Variants in DLC1 observed in about 807,000 individuals in gnomAD.
DLC1 encodes the protein DLC1 Rho GTPase activating protein.
DLC1 carries 54 observed loss-of-function variants against 140.3 expected under a neutral mutation model. That is an observed-to-expected ratio of 0.38 (90% confidence interval 0.31 to 0.48). The LOEUF is 0.48. Ranked by LOEUF, DLC1 falls within the 20% of genes least tolerant of loss-of-function variation. DLC1 has a pLI of 0.96. For synonymous variants in DLC1, 986 were observed against 728.1 expected, an observed-to-expected ratio of 1.35 and a Z score of -5.70; for missense variants, 2,536 against 1,907.0, an observed-to-expected ratio of 1.33 and a Z score of -6.14.
chr8:13,319,748 C>A (rs1388606245), intron 4 of DLC1, among the ~76,000 whole-genome samples: 8 of 150,542 alleles, frequency 5.3e-5, no homozygotes, highest in African/African-American at 2.0e-4. Context: ...TTCTTTATAA[C>A]AGTGCAAGAG....
intron 4 of DLC1, among the ~76,000 whole-genome samples, chr8:13,386,673 G>A (rs1450363927): frequency 1.3e-5 from 2 of 152,052 alleles, no homozygotes; most frequent in Non-Finnish European, 2.9e-5. Flanking sequence ...CAAAATTAAT[G>A]AATTGCACAC....
chr8:13,476,579 C>T (rs1272921353), intron 2 of DLC1, among the ~76,000 whole-genome samples: 1 of 151,508 alleles, frequency 6.6e-6, no homozygotes, highest in Admixed American at 6.6e-5. Flanking sequence ...GTGGAAACAA[C>T]AGACTCAGAC....
chr8:13,342,196 A>T (rs954886417), intron 4 of DLC1: 1 of 152,222 alleles, frequency 6.6e-6, no homozygotes, highest in African/African-American at 2.4e-5. Context: ...CATGACAGGT[A>T]ATAGGAACTA....
upstream of DLC1, among the ~76,000 whole-genome samples, chr8:13,516,811 C>A (rs1032276316): frequency 9.2e-5 from 14 of 152,028 alleles, no homozygotes; most frequent in Admixed American, 8.5e-4. Flanking sequence ...AACAATTTTG[C>A]GTGTATTCAT....
Position 13,311,108 on chromosome 8 carries a change from G to T in DLC1, c.1315-5806C>A, listed in dbSNP as rs578128132. Among the ~76,000 whole-genome samples, 62 of 152,212 alleles carry T rather than the reference G, an allele frequency of 4.1e-4. 2 individuals carry two copies. The South Asian group carries it at 0.012, about 30-fold the overall frequency. The stretch of plus-strand genomic sequence containing the variant: ...ATAAAAATTCAGAATGTTTGCCCCA[G>T]TATCAGCTGATATACCATTAGTACT... On this transcript the variant is annotated intron_variant, in intron 4 of 17. Coordinates refer to ENST00000276297, the MANE Select transcript of DLC1 (RefSeq NM_182643.3).
At chr8:13,212,957 C>T (rs1828016937) in intron 5 of DLC1, among the ~76,000 whole-genome samples, 1 of 152,050 alleles carries the variant, frequency 6.6e-6, no homozygotes, top group African/African-American at 2.4e-5. Context: ...TTATTTGTAT[C>T]ACTTTCTATT....
At chr8:13,428,716 T>TG (rs2117381550) in intron 2 of DLC1, among the ~76,000 whole-genome samples, 1 of 135,492 alleles carries the variant, frequency 7.4e-6, no homozygotes, top group East Asian at 2.1e-4. Context: ...CTATGCAAGA[T>TG]GGATTTTTTT....
chr8:13,514,074 G>C (rs1256421162), intron 1 of DLC1, among the ~76,000 whole-genome samples: 2 of 151,806 alleles, frequency 1.3e-5, no homozygotes, highest in Non-Finnish European at 2.9e-5. Context: ...CTGTACAGGA[G>C]AAGCTTGACA....
intron 5 of DLC1, among the ~76,000 whole-genome samples, chr8:13,220,178 T>G (rs987657890): frequency 3.3e-5 from 5 of 152,172 alleles, no homozygotes; most frequent in Non-Finnish European, 7.4e-5. Flanking sequence ...AAATGGTGAA[T>G]TTTATGCTAT....
At chr8:13,451,703 T>G (rs1799067938) in intron 2 of DLC1, among the ~76,000 whole-genome samples, 1 of 152,210 alleles carries the variant, frequency 6.6e-6, no homozygotes, top group Admixed American at 6.5e-5. Flanking sequence ...TCACATTCTT[T>G]TTTTAAATGG....
At chr8:13,489,977 C>A (rs1357440083) in intron 2 of DLC1, among the ~76,000 whole-genome samples, 1 of 152,204 alleles carries the variant, frequency 6.6e-6, no homozygotes, top group South Asian at 2.1e-4. Context: ...ACTTAATGTT[C>A]CTAACAATCT....
chr8:13,217,114 A>G (rs938375614), intron 5 of DLC1, among the ~76,000 whole-genome samples: 2 of 152,196 alleles, frequency 1.3e-5, no homozygotes, highest in Non-Finnish European at 2.9e-5. Flanking sequence ...TGTACAGTAC[A>G]GTAAATAAAA....
At chr8:13,098,637 A>C in intron 9 of DLC1, 62 bp from the exon 10 acceptor site, 1 of 1,508,762 alleles carries the variant, frequency 6.6e-7, no homozygotes, top group Non-Finnish European at 8.9e-7. Context: ...TATTTATTTT[A>C]TTTTTTCTTG....
intron 4 of DLC1, among the ~76,000 whole-genome samples, chr8:13,306,715 A>C (rs186753653): frequency 2.7e-4 from 41 of 152,210 alleles, no homozygotes; most frequent in African/African-American, 8.2e-4. Context: ...GTTACTGCTG[A>C]GATCTTCACC....
chr8:13,239,554 G>T (rs371191835), intron 5 of DLC1, among the ~76,000 whole-genome samples: 1 of 152,136 alleles, frequency 6.6e-6, no homozygotes, highest in East Asian at 1.9e-4. Context: ...ACTGTGTAAT[G>T]TTCAGGGACT....
intron 4 of DLC1, among the ~76,000 whole-genome samples, chr8:13,331,336 T>A (rs1833580210): frequency 6.6e-6 from 1 of 152,164 alleles, no homozygotes; most frequent in Admixed American, 6.5e-5. Flanking sequence ...TGCTCAGAGA[T>A]CTGAGGCTAT....
intron 5 of DLC1, among the ~76,000 whole-genome samples, chr8:13,197,646 GATTT>G (rs1291207202): frequency 3.3e-5 from 5 of 151,866 alleles, no homozygotes; most frequent in African/African-American, 1.2e-4. Flanking sequence ...GTGCCAGGCC[GATTT>G]ATTTTTTTTT....
chr8:13,173,997 C>G (rs781041280), intron 5 of DLC1, among the ~76,000 whole-genome samples: 3 of 152,072 alleles, frequency 2.0e-5, no homozygotes, highest in Admixed American at 6.6e-5. Context: ...GGTCATTTCT[C>G]AGCCCTTGTT....
At chr8:13,128,331 C>G (rs1821761321) in intron 5 of DLC1, among the ~76,000 whole-genome samples, 1 of 152,254 alleles carries the variant, frequency 6.6e-6, no homozygotes, top group South Asian at 2.1e-4. Flanking sequence ...CCAGAACACT[C>G]CCCCAAATGT....
Sources: allele counts gnomAD v4.1 joint callset (sites outside exome capture counted in the v4.1 genomes callset), GRCh38; gene constraint gnomAD v4.1.1; transcripts MANE v1.5; gene names NCBI Gene and HGNC (gene_info 2026-07-23, HGNC 2026-07-21).